The following ATRNL1 variants were observed in gnomAD, a reference collection of about 807,000 sequenced individuals.
ATRNL1 encodes attractin-like protein 1.
ATRNL1 carries 95 observed loss-of-function variants against 182.7 expected under a neutral mutation model. The ratio of observed to expected loss-of-function variants is 0.52; its 90% CI spans 0.44 to 0.62. The LOEUF is 0.62. Ranked by LOEUF, ATRNL1 falls within the 20% of genes least tolerant of loss-of-function variation. The pLI, the probability that ATRNL1 is intolerant of heterozygous loss-of-function variation, is 0.00. For synonymous variants in ATRNL1, 576 were observed against 568.3 expected (o/e 1.01, Z -0.19); for missense variants, 1,471 against 1,679.5 (o/e 0.88, Z 2.17).
intron 21 of ATRNL1, among the ~76,000 whole-genome samples, chr10:115,458,291 G>T (rs571197078): frequency 6.6e-6 from 1 of 152,198 alleles, no homozygotes; most frequent in African/African-American, 2.4e-5. Flanking sequence ...CTAGTTAAGT[G>T]GAAAATTGTG....
intron 20 of ATRNL1, among the ~76,000 whole-genome samples, chr10:115,399,537 G>A (rs930007658): frequency 2.6e-5 from 4 of 151,806 alleles, no homozygotes; most frequent in Admixed American, 1.3e-4. Context: ...TTCTGATTGC[G>A]TTTATTTGAA....
chr10:115,785,067 C>G (rs2134197751), intron 27 of ATRNL1, among the ~76,000 whole-genome samples: 1 of 152,314 alleles, frequency 6.6e-6, no homozygotes, highest in African/African-American at 2.4e-5. Flanking sequence ...AGTCCCAAAT[C>G]TCATCATCTA....
intron 1 of ATRNL1, among the ~76,000 whole-genome samples, chr10:115,114,752 G>A (rs1175402370): frequency 1.3e-5 from 2 of 151,976 alleles, no homozygotes; most frequent in Non-Finnish European, 2.9e-5. Context: ...GTGTTGGTGA[G>A]TATATGGCAA....
intron 27 of ATRNL1, among the ~76,000 whole-genome samples, chr10:115,793,809 T>C (rs1460988917): frequency 6.6e-6 from 1 of 151,968 alleles, no homozygotes; most frequent in Non-Finnish European, 1.5e-5. Context: ...TCCCAATGAG[T>C]GTGGGATTTT....
chr10:115,943,521 A>G (rs1953790476), intron 28 of ATRNL1, among the ~76,000 whole-genome samples: 1 of 152,200 alleles, frequency 6.6e-6, no homozygotes, highest in Admixed American at 6.5e-5. Context: ...ACTGACAACA[A>G]CAAATGCTGG....
At chr10:115,556,410 T>C (rs1434179920) in intron 26 of ATRNL1, among the ~76,000 whole-genome samples, 2 of 152,190 alleles carry the variant, frequency 1.3e-5, no homozygotes, top group East Asian at 3.9e-4. Flanking sequence ...AAATCACTTT[T>C]TGAGTTAAGC....
chr10:115,351,189 A>G (rs1427570340), intron 19 of ATRNL1, among the ~76,000 whole-genome samples: 3 of 152,140 alleles, frequency 2.0e-5, no homozygotes, highest in African/African-American at 7.2e-5. Flanking sequence ...TATCATCTGT[A>G]AACAAGGATA....
Position 115,179,240 on chromosome 10 carries a change from C to A in ATRNL1, c.1348+7948C>A, listed in dbSNP as rs568202279. Among the ~76,000 whole-genome samples the A allele has an allele frequency of 3.9e-5, 6 of 152,146 alleles. No individual in the cohort carries two copies. In the East Asian group the frequency reaches 1.2e-3, roughly 29 times the overall value. On this transcript the variant is annotated intron_variant, in intron 8 of 28. Coordinates refer to ENST00000355044, the MANE Select transcript of ATRNL1 (RefSeq NM_207303.4). The stretch of plus-strand genomic sequence containing the variant: ...CTCCACATCTACCTTTTATTTTTTT[C>A]CATCCTGTTTCCATGCCCTCTGGCT...
intron 19 of ATRNL1, among the ~76,000 whole-genome samples, chr10:115,340,174 C>T (rs1323839815): frequency 2.6e-5 from 4 of 152,096 alleles, no homozygotes; most frequent in African/African-American, 7.2e-5. Flanking sequence ...CATGGAGTCT[C>T]GCTCTGTCAC....
intron 1 of ATRNL1, among the ~76,000 whole-genome samples, chr10:115,102,707 A>G (rs1409650128): frequency 6.6e-6 from 1 of 152,188 alleles, no homozygotes; most frequent in Non-Finnish European, 1.5e-5. Flanking sequence ...TCGGCCTCCC[A>G]AAATGCTAAG....
intron 26 of ATRNL1, among the ~76,000 whole-genome samples, chr10:115,703,729 C>T (rs1357492002): frequency 2.0e-5 from 3 of 151,178 alleles, no homozygotes; most frequent in Non-Finnish European, 4.4e-5. Flanking sequence ...ATATTTAAAA[C>T]AAACATATTA....
At chr10:115,368,234 G>T (rs1048806279) in intron 19 of ATRNL1, among the ~76,000 whole-genome samples, 1 of 152,192 alleles carries the variant, frequency 6.6e-6, no homozygotes, top group South Asian at 2.1e-4. Flanking sequence ...GCGGTGCGCC[G>T]TTTTTTAAGC....
At chr10:115,106,162 A>T (rs1264803) in intron 1 of ATRNL1, among the ~76,000 whole-genome samples, 101,221 of 152,046 alleles carry the variant, frequency 0.67, 34,519 homozygotes, top group Non-Finnish European at 0.74. Context: ...GACCTAGATG[A>T]GAGACCTGGA....
chr10:115,247,587 G>C (rs1315677744), intron 10 of ATRNL1, among the ~76,000 whole-genome samples: 1 of 152,140 alleles, frequency 6.6e-6, no homozygotes. Context: ...ATGTAAGCTA[G>C]TACAGCCACT....
chr10:115,158,094 G>A (rs1339775181), intron 5 of ATRNL1, among the ~76,000 whole-genome samples: 2 of 151,954 alleles, frequency 1.3e-5, no homozygotes, highest in African/African-American at 4.8e-5. Context: ...CTATCTGAAT[G>A]TCCGTTTCCC....
At chr10:115,447,884 C>T (rs1214966326) in intron 21 of ATRNL1, among the ~76,000 whole-genome samples, 1 of 151,966 alleles carries the variant, frequency 6.6e-6, no homozygotes, top group Admixed American at 6.6e-5. Flanking sequence ...TTTTCTTCCA[C>T]TTCCTCACCA....
intron 20 of ATRNL1, among the ~76,000 whole-genome samples, chr10:115,425,926 C>T (rs1337613568): frequency 1.3e-5 from 2 of 152,058 alleles, no homozygotes; most frequent in African/African-American, 4.8e-5. Flanking sequence ...ACTTTCACTT[C>T]TTCTGTTTAT....
At chr10:115,374,964 T>C (rs530940125) in intron 19 of ATRNL1, among the ~76,000 whole-genome samples, 8 of 151,990 alleles carry the variant, frequency 5.3e-5, no homozygotes, top group African/African-American at 1.9e-4. Context: ...AATGGAATGT[T>C]TTTTATATGT....
chr10:115,767,580 T>C (rs1389570516), intron 27 of ATRNL1, among the ~76,000 whole-genome samples: 3 of 152,146 alleles, frequency 2.0e-5, no homozygotes, highest in African/African-American at 4.8e-5. Flanking sequence ...TAAACTACTT[T>C]TTCTTTCCTT....
Sources: allele counts gnomAD v4.1 joint callset (sites outside exome capture counted in the v4.1 genomes callset), GRCh38; gene constraint gnomAD v4.1.1; transcripts MANE v1.5; gene names NCBI Gene and HGNC (gene_info 2026-07-23, HGNC 2026-07-21).